CENPE: variants seen among roughly 807,000 people sequenced by gnomAD.
CENPE encodes the protein centromere protein E, also known as centromere-associated protein E.
CENPE carries 145 observed loss-of-function variants against 336.1 expected under a neutral mutation model. The observed-to-expected ratio is 0.43, with a 90% CI of 0.38 to 0.50. CENPE has a LOEUF of 0.50. Among genes scored for constraint, CENPE ranks in the 20% least tolerant of loss-of-function variants. The pLI is 0.00. For missense variants in CENPE, 2,719 were observed against 3,023.3 expected, an observed-to-expected ratio of 0.90 and a Z score of 2.36; for synonymous variants, 1,013 against 984.8, an observed-to-expected ratio of 1.03 and a Z score of -0.54.
At position 103,147,594 on chromosome 4, in the gene CENPE, C is replaced by T. The variant is rs1289137800; in HGVS notation, c.3896G>A (p.Ser1299Asn). ...QELLPNVKEVSETQETMNELE... is the reference protein window; with the variant it reads ...QELLPNVKEVNETQETMNELE... The stretch of plus-strand genomic sequence containing the variant: ...TTCATTCATTGTTTCCTGAGTCTCA[C>T]TGACTTCTTTCACATTAGGCAGTAA... The change falls in exon 29 of 49, where the codon AGT becomes AAT. Residue 1299 changes from serine to asparagine, a missense_variant. This residue lies in a region of CENPE where 2,437 missense variants were observed against 2,513.3 expected (regional missense o/e 0.97). Transcript: ENST00000265148. The T allele has an allele frequency of 6.2e-7, 1 of 1,613,592 alleles. No homozygotes were observed. Among genetic ancestry groups the T allele is most frequent in the Admixed American group, 1.7e-5 (1 of 60,008 alleles).
chr4:103,149,370 A>T lies in CENPE; in HGVS notation c.3435T>A (p.Asn1145Lys), dbSNP rs374126277. Reference protein sequence around the residue: ...QLQEKQQQLLNVQEEMSEMQK... With the variant: ...QLQEKQQQLLKVQEEMSEMQK... ...GCATCTCACTCATCTCTTCTTGTAC[A>T]TTAAGAAGTTGTTGCTGTTTTTCTT... Residue 1145 changes from asparagine to lysine, a missense_variant, in exon 27 of 49, where the codon AAT (asparagine) becomes AAA (lysine). Physicochemically the swap from Asn to Lys is moderately conservative, Grantham distance 94. Coordinates refer to ENST00000265148, the MANE Select transcript of CENPE (RefSeq NM_001813.3). 1.1e-5 allele frequency: 17 copies of T among 1,581,186 alleles called. No homozygotes were observed. Among genetic ancestry groups the T allele is most frequent in the African/African-American group, 1.4e-5 (1 of 72,982 alleles).
intron 42 of CENPE, among the ~76,000 whole-genome samples, chr4:103,130,910 C>T (rs980662246): frequency 9.6e-5 from 9 of 94,216 alleles, no homozygotes; most frequent in Non-Finnish European, 1.6e-4. Flanking sequence ...CTTCTACAAG[C>T]GAAAAAAAAA....
At chr4:103,117,080 C>T (rs1317083246) in intron 44 of CENPE, among the ~76,000 whole-genome samples, 1 of 151,986 alleles carries the variant, frequency 6.6e-6, no homozygotes, top group Non-Finnish European at 1.5e-5. Context: ...AAACATCAAA[C>T]TAGAACTAAA....
chr4:103,187,065 T>C (rs1288943033), intron 8 of CENPE, among the ~76,000 whole-genome samples: 1 of 152,184 alleles, frequency 6.6e-6, no homozygotes, highest in East Asian at 1.9e-4. Flanking sequence ...GAAATGTTTA[T>C]ATTCAATGAG....
At chr4:103,125,120 A>C (rs2125876791) in intron 42 of CENPE, among the ~76,000 whole-genome samples, 1 of 152,328 alleles carries the variant, frequency 6.6e-6, no homozygotes, top group Admixed American at 6.5e-5. Flanking sequence ...AGCTCTGACT[A>C]ATCAATAAAC....
chr4:103,151,382 A>G lies in CENPE; in HGVS notation c.3238-5T>C. 2 of 1,551,294 alleles carry G rather than the reference A, an allele frequency of 1.3e-6. No individual in the cohort carries two copies. Among genetic ancestry groups the G allele is most frequent in the South Asian group, 2.5e-5 (2 of 81,040 alleles). ...TTCTTCCTGGTTTTCAATGGTCTAGAAAGAAAAAAAAAGTTGAGATTAAAG... is the reference window on the plus strand; with the variant it reads ...TTCTTCCTGGTTTTCAATGGTCTAGGAAGAAAAAAAAAGTTGAGATTAAAG... On this transcript the variant is annotated splice_polypyrimidine_tract_variant and splice_region_variant and intron_variant, in intron 25 of 48. Coordinates refer to ENST00000265148, the MANE Select transcript of CENPE (RefSeq NM_001813.3).
At chr4:103,191,485 C>T (rs1757323582) in intron 8 of CENPE, among the ~76,000 whole-genome samples, 1 of 152,228 alleles carries the variant, frequency 6.6e-6, no homozygotes, top group African/African-American at 2.4e-5. Flanking sequence ...ATGATGAGTT[C>T]ATGTCCTTTG....
At position 103,144,492 on chromosome 4, in the gene CENPE, T is replaced by C. The variant is rs1018780745; in HGVS notation, c.4984A>G (p.Asn1662Asp). Residue 1662 changes from asparagine to aspartate, a missense_variant, in exon 33 of 49, where the codon AAC becomes GAC. Coordinates refer to ENST00000265148, the MANE Select transcript of CENPE (RefSeq NM_001813.3). ...AACCTTATATTCTCCGTTTCTATGT[T>C]TTCCAGGTTTAACTTCTGGGTCTCA... is the stretch of plus-strand genomic sequence containing the variant. ...QFETQKLNLE[N>D]IETENIRLTQ... 1.2e-6 allele frequency: 2 copies of C among 1,614,170 alleles called. No individual in the cohort carries two copies. The highest frequency in any genetic ancestry group is 1.3e-5 in the African/African-American group (1 of 75,054).
Position 103,139,911 on chromosome 4 carries a change from G to T in CENPE, c.6082C>A (p.His2028Asn), listed in dbSNP as rs1478350784. The T allele has an allele frequency of 1.9e-6, 3 of 1,613,338 alleles. No homozygotes were observed. Among genetic ancestry groups the T allele is most frequent in the Admixed American group, 3.3e-5 (2 of 60,000 alleles). ...MDNFQLTKKL[H>N]ESLEEIRIVA... ...ATTCTTATTTCTTCAAGGCTTTCAT[G>T]AAGTTTCTTAGTCAACTGGAAGTTA... is the stretch of plus-strand genomic sequence containing the variant. Residue 2028 changes from histidine (H) to asparagine (N), a missense_variant, in exon 38 of 49, where the codon CAT becomes AAT. His to Asn is a moderately conservative substitution (Grantham distance 68). Around this residue, in one of 5 missense-constraint regions of CENPE, gnomAD observed 2,437 missense variants for 2,513.3 expected, o/e 0.97. Transcript: ENST00000265148.
intron 46 of CENPE, among the ~76,000 whole-genome samples, chr4:103,111,732 A>G (rs925142968): frequency 4.0e-5 from 6 of 151,748 alleles, no homozygotes; most frequent in Non-Finnish European, 7.4e-5. Context: ...GAAACAAAGA[A>G]TCCTCACTTC....
intron 34 of CENPE, among the ~76,000 whole-genome samples, chr4:103,142,143 C>T (rs780586440): frequency 2.6e-5 from 4 of 152,120 alleles, no homozygotes; most frequent in Non-Finnish European, 4.4e-5. Flanking sequence ...CATAGTATTT[C>T]GATATATTGT....
In CENPE at chr4:103,188,508, G is replaced by A. The variant is rs894700381; in HGVS notation, c.694-2647C>T. 9.9e-5 allele frequency among the ~76,000 whole-genome samples: 15 copies of A among 152,122 alleles called. No homozygotes were observed. The East Asian group carries it at 1.7e-3, about 18-fold the overall frequency. ...GAAACTCACTCAAAACCGCTCAACT[G>A]CATGGAAACTGAACAACCTGCTCCT... On this transcript the variant is annotated intron_variant, in intron 8 of 48. Transcript: ENST00000265148.
At chr4:103,123,764 G>C (rs1239881380) in intron 42 of CENPE, among the ~76,000 whole-genome samples, 1 of 152,154 alleles carries the variant, frequency 6.6e-6, no homozygotes, top group African/African-American at 2.4e-5. Context: ...AGCAAGCATT[G>C]AGCATCTAGG....
At chr4:103,170,245 G>A (rs926605801) in intron 16 of CENPE, among the ~76,000 whole-genome samples, 4 of 152,112 alleles carry the variant, frequency 2.6e-5, no homozygotes, top group African/African-American at 9.6e-5. Flanking sequence ...TAACAAATCT[G>A]TATGTTATGC....
intron 24 of CENPE, among the ~76,000 whole-genome samples, chr4:103,157,041 C>T (rs1483786259): frequency 7.4e-6 from 1 of 134,464 alleles, no homozygotes. Context: ...GCCTCACATC[C>T]ATTAGGATGG....
chr4:103,145,440 A>C (rs1752955176), intron 31 of CENPE, 83 bp downstream of exon 31: 1 of 1,412,942 alleles, frequency 7.1e-7, no homozygotes, highest in African/African-American at 1.4e-5. Flanking sequence ...ACAATTAAGC[A>C]TGCCAAATAG....
chr4:103,147,698 A>ATT (rs373808202), intron 28 of CENPE, 52 bp from the exon 29 acceptor site: 319 of 1,193,378 alleles, frequency 2.7e-4, no homozygotes, highest in Non-Finnish European at 3.0e-4. Context: ...TATGATCATA[A>ATT]TTTTTTTTTT....
intron 39 of CENPE, among the ~76,000 whole-genome samples, chr4:103,138,108 C>T (rs989999296): frequency 4.6e-5 from 7 of 152,158 alleles, no homozygotes; most frequent in Admixed American, 2.0e-4. Context: ...CCCTTTACCT[C>T]GTTCAGGTAT....
Position 103,183,307 on chromosome 4 carries a change from T to C in CENPE, c.746-19A>G. 1.9e-6 allele frequency: 3 copies of C among 1,588,890 alleles called. No homozygotes were observed. Among genetic ancestry groups the C allele is most frequent in the Non-Finnish European group, 2.6e-6 (3 of 1,161,828 alleles). On this transcript the variant is annotated intron_variant, in intron 9 of 48. Coordinates refer to ENST00000265148, the MANE Select transcript of CENPE (RefSeq NM_001813.3). ...CGCACACCTGAATTTATTAAACAAA[T>C]ATGAAAACTAAACTTGACTCCTTTT...
Sources: gnomAD v4.1 joint callset for allele counts (sites outside exome capture counted in the v4.1 genomes callset) on GRCh38, gnomAD v4.1.1 for gene constraint, gnomAD v4.1.1 regional missense constraint, MANE v1.5 for transcripts, NCBI Gene and HGNC (gene_info 2026-07-23, HGNC 2026-07-21) for gene names.